B4GALT5: variants seen among roughly 807,000 people sequenced by gnomAD.
The protein encoded by B4GALT5 is beta-1,4-galactosyltransferase 5, also known as UDP-Gal:beta-GlcNAc beta-1,4-galactosyltransferase 5.
Under a neutral mutation model 45.0 loss-of-function variants are expected in B4GALT5, and 11 were observed. The ratio of observed to expected loss-of-function variants is 0.24; its 90% CI spans 0.15 to 0.40. B4GALT5 has a LOEUF of 0.40. Among genes scored for constraint, B4GALT5 ranks in the 10% least tolerant of loss-of-function variants. The pLI is 1.00. For synonymous variants in B4GALT5, 185 were observed against 182.9 expected, an observed-to-expected ratio of 1.01 and a Z score of -0.09; for missense variants, 337 against 500.2, an observed-to-expected ratio of 0.67 and a Z score of 3.11.
chr20:49,664,354 G>A (rs193191307), intron 1 of B4GALT5, among the ~76,000 whole-genome samples: 7 of 151,314 alleles, frequency 4.6e-5, no homozygotes, highest in Admixed American at 4.0e-4. Flanking sequence ...GAGGAGCTGG[G>A]ACCACAGCGG....
chr20:49,707,652 G>C (rs1330439010), intron 1 of B4GALT5, among the ~76,000 whole-genome samples: 2 of 152,012 alleles, frequency 1.3e-5, no homozygotes, highest in African/African-American at 4.8e-5. Context: ...TCTCACTCTG[G>C]GTACCCAGAC....
At chr20:49,711,958 A>C (rs906554611) in intron 1 of B4GALT5, among the ~76,000 whole-genome samples, 1 of 152,238 alleles carries the variant, frequency 6.6e-6, no homozygotes, top group African/African-American at 2.4e-5. Context: ...GCATTTCCCT[A>C]CAGCTAAACC....
chr20:49,663,984 T>C (rs1471845177), intron 1 of B4GALT5, among the ~76,000 whole-genome samples: 2 of 151,966 alleles, frequency 1.3e-5, no homozygotes, highest in South Asian at 4.2e-4. Flanking sequence ...TTGAAGAGGA[T>C]AGTCAAAACA....
chr20:49,668,719 C>A (rs1228376662), intron 1 of B4GALT5, among the ~76,000 whole-genome samples: 1 of 152,098 alleles, frequency 6.6e-6, no homozygotes, highest in Non-Finnish European at 1.5e-5. Flanking sequence ...GCTCCCCTCA[C>A]CTCCGCACCC....
chr20:49,713,694 G>A lies in B4GALT5; in HGVS notation c.-4C>T, dbSNP rs1197078916. 1 of 1,401,110 alleles carries A rather than the reference G, an allele frequency of 7.1e-7. No homozygotes were observed. The highest frequency in any genetic ancestry group is 9.5e-7 in the Non-Finnish European group (1 of 1,047,314). 86.8% of individuals were successfully genotyped at this position (1,401,110 alleles called of 1,614,324 possible). A position where few individuals can be genotyped will look rare whatever the true frequency, so the allele number is the denominator to read the frequency against. On this transcript the variant is annotated 5_prime_UTR_variant, in exon 1 of 9. Transcript: ENST00000371711. ...GCAGCCCCCGGCGGGCGCGCATGCTGCAGCCAGGCGGCCGCTAGAGAGCCA... is the reference window on the plus strand; with the variant it reads ...GCAGCCCCCGGCGGGCGCGCATGCTACAGCCAGGCGGCCGCTAGAGAGCCA...
At chr20:49,643,353 T>A (rs1230665497) in intron 4 of B4GALT5, among the ~76,000 whole-genome samples, 173 bp downstream of exon 4, 1 of 152,188 alleles carries the variant, frequency 6.6e-6, no homozygotes, top group Admixed American at 6.5e-5. Context: ...AATTTCTGTA[T>A]CTACAAAAAG....
In B4GALT5 at chr20:49,656,645, C is replaced by T. The variant is rs1321442957; in HGVS notation, c.173G>A (p.Arg58Lys). The T allele has an allele frequency of 1.2e-6, 2 of 1,614,186 alleles. No homozygotes were observed. The highest frequency in any genetic ancestry group is 3.3e-5 in the Admixed American group (2 of 60,026). Residue 58 changes from arginine (R) to lysine (K), a missense_variant, in exon 2 of 9, where the codon AGA becomes AAA. Transcript: ENST00000371711. ...CTCATAAACCTGAGCACCGATTGTT[C>T]TCACGTTGTCCCGGATCAGAATGCC... ...AQGILIRDNV[R>K]TIGAQVYEQV... is the part of the protein sequence containing the mutation.
chr20:49,712,808 C>A (rs185736490), intron 1 of B4GALT5, among the ~76,000 whole-genome samples: 46 of 69,020 alleles, frequency 6.7e-4, no homozygotes, highest in Non-Finnish European at 1.1e-3. Context: ...GCAAAGGTGA[C>A]AAGGATGTGC....
chr20:49,653,570 A>G (rs1485955197), intron 2 of B4GALT5, among the ~76,000 whole-genome samples: 2 of 152,110 alleles, frequency 1.3e-5, no homozygotes, highest in Admixed American at 6.5e-5. Context: ...GCAAACCCTA[A>G]CCCTGCTGCT....
chr20:49,697,237 AGTT>A (rs991750347), intron 1 of B4GALT5, among the ~76,000 whole-genome samples: 11 of 152,270 alleles, frequency 7.2e-5, no homozygotes, highest in African/African-American at 1.7e-4. Flanking sequence ...ACACCCAGGC[AGTT>A]GTTGTCTGCT....
intron 1 of B4GALT5, among the ~76,000 whole-genome samples, chr20:49,691,673 A>C (rs767750829): frequency 4.6e-5 from 7 of 152,188 alleles, no homozygotes; most frequent in Admixed American, 6.5e-5. Context: ...ATATAATGTA[A>C]GCTCAATTAC....
At chr20:49,637,611 A>G (rs374659114) in intron 7 of B4GALT5, among the ~76,000 whole-genome samples, 169 bp from the exon 8 acceptor site, 27 of 152,138 alleles carry the variant, frequency 1.8e-4, no homozygotes, top group East Asian at 5.8e-4. Context: ...TTAAAACTCA[A>G]TTTTAACTGA....
chr20:49,655,324 G>A (rs1300283024), intron 2 of B4GALT5, among the ~76,000 whole-genome samples: 3 of 151,030 alleles, frequency 2.0e-5, no homozygotes, highest in African/African-American at 4.9e-5. Context: ...CCAGCTACTC[G>A]GGAGGCTGAG....
chr20:49,698,166 T>G (rs995870403), intron 1 of B4GALT5, among the ~76,000 whole-genome samples: 13 of 151,678 alleles, frequency 8.6e-5, no homozygotes, highest in African/African-American at 3.2e-4. Flanking sequence ...TAGTAAAAAC[T>G]ACAAAAATTA....
rs1401999794 is a variant in B4GALT5, at chr20:49,633,441, T to TTTGTC, written c.*2870_*2871insGACAA. On this transcript the variant is annotated 3_prime_UTR_variant, in exon 9 of 9. Transcript: ENST00000371711. ...GCACAAGGTCACATTTGGTTCCTGT[T>TTTGTC]TTTTTTTTTAACATGACAATTTCAC... 3.4e-5 allele frequency: 5 copies of TTTGTC among 145,414 alleles called. No homozygotes were observed. In the Middle Eastern group the frequency reaches 0.011, roughly 307 times the overall value. 9.0% of individuals were successfully genotyped at this position (145,414 alleles called of 1,614,324 possible).
At chr20:49,686,522 T>C (rs758291681) in intron 1 of B4GALT5, among the ~76,000 whole-genome samples, 8 of 151,008 alleles carry the variant, frequency 5.3e-5, no homozygotes, top group Non-Finnish European at 1.0e-4. Flanking sequence ...AAGCCAATGG[T>C]TAAAAAAAAA....
chr20:49,640,972 A>G (rs2085574681), intron 5 of B4GALT5, among the ~76,000 whole-genome samples: 1 of 152,172 alleles, frequency 6.6e-6, no homozygotes, highest in South Asian at 2.1e-4. Context: ...AACATTAGCT[A>G]GGCGTAGTGG....
chr20:49,703,840 G>A (rs2085873110), intron 1 of B4GALT5, among the ~76,000 whole-genome samples: 1 of 150,938 alleles, frequency 6.6e-6, no homozygotes, highest in African/African-American at 2.4e-5. Context: ...AGTGAGCCCT[G>A]ATCGCACCAC....
chr20:49,637,772 TAAAAAAAAAAA>T (rs200578529), intron 7 of B4GALT5, among the ~76,000 whole-genome samples: 2 of 134,086 alleles, frequency 1.5e-5, no homozygotes, highest in East Asian at 4.3e-4. Context: ...CATCTCTACT[TAAAAAAAAAAA>T]AAAAAATTAG....
Sources: allele counts gnomAD v4.1 joint callset (sites outside exome capture counted in the v4.1 genomes callset), GRCh38; gene constraint gnomAD v4.1.1; transcripts MANE v1.5; gene names NCBI Gene and HGNC (gene_info 2026-07-23, HGNC 2026-07-21).